PKD1L1: variants seen among roughly 807,000 people sequenced by gnomAD.
The protein encoded by PKD1L1 is polycystin-1-like protein 1.
In PKD1L1, 236 loss-of-function variants were observed where a neutral mutation model predicts 323.4. The observed-to-expected ratio is 0.73, with a 90% confidence interval of 0.66 to 0.81. PKD1L1 has a LOEUF of 0.81. Among genes scored for constraint, PKD1L1 ranks in the 40% least tolerant of loss-of-function variants. The pLI, the probability that PKD1L1 is intolerant of heterozygous loss-of-function variation, is 0.00. For synonymous variants in PKD1L1, 1,344 were observed against 1,335.0 expected (o/e 1.01, Z -0.15); for missense variants, 3,320 against 3,508.0 (o/e 0.95, Z 1.35).
intron 50 of PKD1L1, among the ~76,000 whole-genome samples, chr7:47,810,898 G>A (rs1784877970): frequency 6.6e-6 from 1 of 152,262 alleles, no homozygotes; most frequent in East Asian, 1.9e-4. Context: ...ATATATGTGG[G>A]GATGGGGCTC....
intron 15 of PKD1L1, among the ~76,000 whole-genome samples, chr7:47,892,422 G>A (rs2128748993): frequency 6.6e-6 from 1 of 152,284 alleles, no homozygotes; most frequent in South Asian, 2.1e-4. Context: ...CAATGGGTTG[G>A]GAGAGGTCAC....
chr7:47,803,341 C>A lies in PKD1L1; in HGVS notation c.7831G>T (p.Ala2611Ser). Residue 2611 changes from alanine to serine, a missense_variant, in exon 53 of 57, where the codon GCT (alanine) becomes TCT (serine). By Grantham distance (99) the Ala-to-Ser change is moderately conservative. Transcript: ENST00000289672. ...LTLMASWNQR[A>S]RWLRGILLFL... ...AAGAGGATTCCCCGGAGCCATCGAG[C>A]CCTCTGAGACAGAAGAACATAACAG... 1 of 1,613,632 alleles carries A rather than the reference C, an allele frequency of 6.2e-7. No homozygotes were observed. Among genetic ancestry groups the A allele is most frequent in the Non-Finnish European group, 8.5e-7 (1 of 1,179,944 alleles).
intron 37 of PKD1L1, 43 bp from the exon 38 acceptor site, chr7:47,835,286 G>T: frequency 1.5e-6 from 2 of 1,304,960 alleles, no homozygotes; most frequent in Non-Finnish European, 2.1e-6. Context: ...CTCAATATGA[G>T]TCCCGCTTAA....
At position 47,894,015 on chromosome 7, in the gene PKD1L1, G is replaced by T. The variant is rs371109317; in HGVS notation, c.2316C>A (p.Gly772=). The T allele has an allele frequency of 2.1e-5, 33 of 1,608,116 alleles. No homozygotes were observed. In the East Asian group the frequency reaches 7.4e-4, roughly 36 times the overall value. ...GSVVYSNYCV[G]LEVRAQAPVS... The stretch of plus-strand genomic sequence containing the variant: ...CAGGGGCCTGGGCTCGCACCTCCAG[G>T]CCCACACAGTAGTTGCTGTACACCA... The change falls in exon 15 of 57, where the codon GGC becomes GGA. Residue 772 remains glycine, a synonymous_variant. Coordinates refer to ENST00000289672, the MANE Select transcript of PKD1L1 (RefSeq NM_138295.5).
intron 39 of PKD1L1, 66 bp downstream of exon 39, chr7:47,834,894 ATTTCTAC>A: frequency 7.7e-7 from 1 of 1,297,350 alleles, no homozygotes. Context: ...AGAAGATACA[ATTTCTAC>A]TTAGTAGATT....
chr7:47,835,091 G>T, intron 38 of PKD1L1, 42 bp downstream of exon 38: 1 of 1,608,550 alleles, frequency 6.2e-7, no homozygotes, highest in Non-Finnish European at 8.5e-7. Flanking sequence ...CAATGAAGGG[G>T]CTGCTCAGGA....
In PKD1L1 at chr7:47,912,062, A is replaced by T. The variant is rs527632743; in HGVS notation, c.1228+3370T>A. Among the ~76,000 whole-genome samples the T allele has an allele frequency of 7.9e-5, 12 of 152,256 alleles. No homozygotes were observed. The East Asian group carries it at 2.3e-3, about 29-fold the overall frequency. On this transcript the variant is annotated intron_variant, in intron 8 of 56. Coordinates refer to ENST00000289672, the MANE Select transcript of PKD1L1 (RefSeq NM_138295.5). The stretch of plus-strand genomic sequence containing the variant: ...GATACTATAAGAGTCAAGAGGGAAA[A>T]TTCAGGAAATACTCATAATAGATTA...
chr7:47,827,141 A>G (rs143139098), intron 45 of PKD1L1, among the ~76,000 whole-genome samples: 88 of 152,338 alleles, frequency 5.8e-4, no homozygotes, highest in Middle Eastern at 6.8e-3. Flanking sequence ...TCTGACTTCA[A>G]TTCTGTTTCC....
chr7:47,875,213 T>G (rs773366650), intron 23 of PKD1L1, among the ~76,000 whole-genome samples: 4 of 152,210 alleles, frequency 2.6e-5, no homozygotes, highest in Non-Finnish European at 5.9e-5. Context: ...CTCAGAAGTT[T>G]TGCTCAATAT....
At chr7:47,922,275 C>G (rs922481130) in intron 7 of PKD1L1, among the ~76,000 whole-genome samples, 2 of 152,174 alleles carry the variant, frequency 1.3e-5, no homozygotes, top group Admixed American at 1.3e-4. Context: ...CCTCCACCTC[C>G]GAGCCGCCTG....
the PKD1L1 span, among the ~76,000 whole-genome samples, chr7:47,957,860 A>ATATATATACATATATAT: frequency 1.6e-5 from 2 of 124,134 alleles, no homozygotes; most frequent in South Asian, 2.5e-4. Context: ...CAATTAAAAA[A>ATATATATACATATATAT]AAATATATAT....
At chr7:47,865,315 G>A (rs758470148) in intron 25 of PKD1L1, 43 bp from the exon 26 acceptor site, 3 of 1,554,330 alleles carry the variant, frequency 1.9e-6, no homozygotes, top group South Asian at 1.1e-5. Context: ...AAAATGCAAG[G>A]AGAGGGAAAT....
intron 49 of PKD1L1, 59 bp downstream of exon 49, chr7:47,813,062 C>T: frequency 6.4e-7 from 1 of 1,567,582 alleles, no homozygotes; most frequent in Non-Finnish European, 8.7e-7. Flanking sequence ...CCAGCAGGCA[C>T]CAGAGCTGGA....
At chr7:47,911,107 G>GCAAC (rs1787313196) in intron 8 of PKD1L1, among the ~76,000 whole-genome samples, 1 of 152,158 alleles carries the variant, frequency 6.6e-6, no homozygotes, top group African/African-American at 2.4e-5. Context: ...AGCTTGGCGG[G>GCAAC]AGGTGACTGG....
At chr7:47,865,780 A>G (rs12111689) in intron 25 of PKD1L1, among the ~76,000 whole-genome samples, 50,057 of 147,360 alleles carry the variant, frequency 0.34, 9,337 homozygotes, top group African/African-American at 0.49. Flanking sequence ...TATTTTTAGC[A>G]GAGACGGGGT....
intron 55 of PKD1L1, chr7:47,795,277 G>T: frequency 2.2e-6 from 1 of 446,268 alleles, no homozygotes; most frequent in East Asian, 7.2e-5. Context: ...ATAGGGGCTG[G>T]TCTTTCTCAT....
rs528480289 is a variant in PKD1L1 at position 47,809,512 on chromosome 7, G to A, written c.7647C>T (p.Gly2549=). ...TTGGCTTTCGCCAGTAGCTGAGGAC[G>A]CCCTTGTCCATCATACGGTAGAGTT... ...CVQLYRMMDK[G]VLSYWRKPRN... The change falls in exon 51 of 57, where the codon GGC becomes GGT. Residue 2549 remains glycine (G), a synonymous_variant. Coordinates refer to ENST00000289672, the MANE Select transcript of PKD1L1 (RefSeq NM_138295.5). 43 of 1,609,276 alleles carry A rather than the reference G, an allele frequency of 2.7e-5. No homozygotes were observed. Among genetic ancestry groups the A allele is most frequent in the Non-Finnish European group, 9.3e-6 (11 of 1,178,020 alleles).
intron 14 of PKD1L1, among the ~76,000 whole-genome samples, chr7:47,897,700 C>T (rs538091380): frequency 1.3e-5 from 2 of 152,190 alleles, no homozygotes; most frequent in Non-Finnish European, 2.9e-5. Flanking sequence ...CTCCTGACAT[C>T]CCGGCACCAG....
At chr7:47,907,566 T>C (rs1236613345) in intron 9 of PKD1L1, among the ~76,000 whole-genome samples, 1 of 152,140 alleles carries the variant, frequency 6.6e-6, no homozygotes, top group Non-Finnish European at 1.5e-5. Context: ...AATGGATATT[T>C]TGTCCTTCAT....
Sources: allele counts gnomAD v4.1 joint callset (sites outside exome capture counted in the v4.1 genomes callset), GRCh38; gene constraint gnomAD v4.1.1; transcripts MANE v1.5; gene names NCBI Gene and HGNC (gene_info 2026-07-23, HGNC 2026-07-21).